Variants in MYO1F observed in about 807,000 individuals in gnomAD.
MYO1F encodes myosin IF, also known as unconventional myosin-If.
Under a neutral mutation model 146.6 loss-of-function variants are expected in MYO1F, and 60 were observed. The observed-to-expected ratio is 0.41, with a 90% confidence interval of 0.33 to 0.51. The LOEUF is 0.51. Ranked by LOEUF, MYO1F falls within the 20% of genes least tolerant of loss-of-function variation. The pLI, the probability that MYO1F is intolerant of heterozygous loss-of-function variation, is 0.25. For missense variants in MYO1F, 1,274 were observed against 1,534.3 expected (o/e 0.83, Z 2.83); for synonymous variants, 602 against 602.1 (o/e 1.00, Z 0.00).
At chr19:8,566,461 C>G (rs2042006873) in intron 1 of MYO1F, among the ~76,000 whole-genome samples, 2 of 151,058 alleles carry the variant, frequency 1.3e-5, no homozygotes, top group Non-Finnish European at 2.9e-5. Context: ...GCCACCGCGC[C>G]CGGCCTGGTC....
At chr19:8,539,664 A>T (rs562108071) in intron 16 of MYO1F, among the ~76,000 whole-genome samples, 1 of 152,298 alleles carries the variant, frequency 6.6e-6, no homozygotes, top group South Asian at 2.1e-4. Flanking sequence ...CCACAAATTT[A>T]AAAAATGGTA....
chr19:8,577,181 C>T lies in MYO1F; in HGVS notation c.3+126G>A. 8.7e-7 allele frequency: 1 copy of T among 1,151,304 alleles called. No homozygotes were observed. The highest frequency in any genetic ancestry group is 2.0e-5 in the Admixed American group (1 of 50,462). The allele number at this position is 1,151,304 out of a possible 1,614,324, so 71.3% of individuals were successfully genotyped here. ...ACCTGAGCTGCACTGAGAGACACCC[C>T]ACCCCCACAGAAGTCCACCATGCCC... On this transcript the variant is annotated intron_variant, in intron 1 of 27. Coordinates refer to ENST00000644032, the MANE Select transcript of MYO1F (RefSeq NM_012335.4). The surrounding 1 kb of genome is among the most constrained non-coding windows in gnomAD (Gnocchi z 4.3).
chr19:8,526,708 T>C, intron 23 of MYO1F, 81 bp downstream of exon 23: 7 of 1,533,674 alleles, frequency 4.6e-6, no homozygotes, highest in Non-Finnish European at 6.1e-6. Context: ...CGAAGCGCAG[T>C]TCGGCCGGGT....
intron 1 of MYO1F, among the ~76,000 whole-genome samples, chr19:8,564,995 A>C (rs1484439966): frequency 6.6e-6 from 1 of 151,264 alleles, no homozygotes; most frequent in African/African-American, 2.4e-5. Context: ...CTCATCTCGA[A>C]CTCCCAACCT....
chr19:8,574,902 C>T (rs541596858), intron 1 of MYO1F, among the ~76,000 whole-genome samples: 5 of 149,990 alleles, frequency 3.3e-5, no homozygotes, highest in Middle Eastern at 3.4e-3. Flanking sequence ...GTTACAGGCG[C>T]GCACCACCAC....
intron 25 of MYO1F, among the ~76,000 whole-genome samples, chr19:8,524,936 C>G (rs188828837): frequency 1.1e-4 from 17 of 152,176 alleles, no homozygotes; most frequent in Middle Eastern, 3.4e-3. Context: ...GTAGCTCATG[C>G]TTGTTAATCC....
At position 8,550,241 on chromosome 19, in the gene MYO1F, G is replaced by A. The variant is rs776265574; in HGVS notation, c.1020C>T (p.Thr340=). 9 of 1,614,194 alleles carry A rather than the reference G, an allele frequency of 5.6e-6. No individual in the cohort carries two copies. Among genetic ancestry groups the A allele is most frequent in the Non-Finnish European group, 7.6e-6 (9 of 1,180,030 alleles). ...WGGRSESINV[T]LNVEQAAYTR... ...TGTAGGCTGCCTGCTCCACGTTGAGGGTCACATTGATGGACTCGCTGCGCC... is the reference window on the plus strand; with the variant it reads ...TGTAGGCTGCCTGCTCCACGTTGAGAGTCACATTGATGGACTCGCTGCGCC... Residue 340 remains threonine (T), a synonymous_variant, in exon 10 of 28, where the codon ACC becomes ACT. Coordinates refer to ENST00000644032, the MANE Select transcript of MYO1F (RefSeq NM_012335.4).
chr19:8,575,269 G>T (rs1297152201), intron 1 of MYO1F, among the ~76,000 whole-genome samples: 1 of 151,266 alleles, frequency 6.6e-6, no homozygotes, highest in African/African-American at 2.4e-5. Context: ...GAGAGACGGG[G>T]TCTCACCACG....
chr19:8,569,536 C>T (rs184750480), intron 1 of MYO1F, among the ~76,000 whole-genome samples: 141 of 152,048 alleles, frequency 9.3e-4, no homozygotes, highest in African/African-American at 2.4e-3. Flanking sequence ...ACTTCCTGGG[C>T]CCCTACTGTG....
intron 17 of MYO1F, 46 bp downstream of exon 17, chr19:8,536,903 G>T: frequency 1.6e-6 from 2 of 1,268,368 alleles, no homozygotes; most frequent in Non-Finnish European, 2.2e-6. Context: ...AGGGGTAACT[G>T]CAGGGCCTGG....
At chr19:8,558,005 T>C (rs74436475) in intron 1 of MYO1F, among the ~76,000 whole-genome samples, 3,280 of 152,138 alleles carry the variant, frequency 0.022, 98 homozygotes, top group South Asian at 0.13. Context: ...TGTGTATGAC[T>C]TTGTTCCTCA....
intron 2 of MYO1F, 139 bp from the exon 3 acceptor site, chr19:8,554,882 C>A: frequency 1.2e-6 from 1 of 854,840 alleles, no homozygotes; most frequent in South Asian, 1.4e-5. Context: ...CACCTCGAGT[C>A]TCTTGGAAAA....
Position 8,554,564 on chromosome 19 carries a change from T to C in MYO1F, c.239A>G (p.Tyr80Cys). The stretch of plus-strand genomic sequence containing the variant: ...GGCGTAGATGTGCGGGGGATTCTCA[T>C]ACTGGGCCTGGCAGGGGAGGTCAGG... ...EIDLYQGAAQ[Y>C]ENPPHIYALT... The change falls in exon 4 of 28, where the codon TAT becomes TGT. Residue 80 changes from tyrosine (Y) to cysteine (C), a missense_variant. Physicochemically the swap from Tyr to Cys is radical, Grantham distance 194. Coordinates refer to ENST00000644032, the MANE Select transcript of MYO1F (RefSeq NM_012335.4). 1.2e-6 allele frequency: 2 copies of C among 1,613,358 alleles called. No individual in the cohort carries two copies. The highest frequency in any genetic ancestry group is 1.7e-6 in the Non-Finnish European group (2 of 1,179,380).
intron 21 of MYO1F, chr19:8,529,726 T>G: frequency 3.4e-6 from 1 of 292,110 alleles, no homozygotes; most frequent in South Asian, 3.2e-5. Flanking sequence ...TCTGGCCAGG[T>G]GAGGGTGTAT....
intron 14 of MYO1F, 27 bp downstream of exon 14, chr19:8,544,270 A>AG (rs1318800257): frequency 6.2e-7 from 1 of 1,607,492 alleles, no homozygotes; most frequent in Non-Finnish European, 8.5e-7. Flanking sequence ...GAGGAGGCAC[A>AG]GGGTAGGGTA....
At chr19:8,547,131 C>G (rs1327188609) in intron 12 of MYO1F, among the ~76,000 whole-genome samples, 1 of 151,666 alleles carries the variant, frequency 6.6e-6, no homozygotes, top group African/African-American at 2.4e-5. Flanking sequence ...AACACCAACT[C>G]TACAAAAAAG....
intron 21 of MYO1F, chr19:8,529,768 T>A: frequency 3.1e-6 from 1 of 320,770 alleles, no homozygotes; most frequent in Non-Finnish European, 6.1e-6. Context: ...CAAGTGCATG[T>A]TTGATGGACA....
intron 19 of MYO1F, among the ~76,000 whole-genome samples, chr19:8,533,675 A>T (rs1371577313): frequency 6.6e-6 from 1 of 151,772 alleles, no homozygotes; most frequent in Non-Finnish European, 1.5e-5. Context: ...CTTCTTTAAA[A>T]CCTTTAGAGA....
intron 1 of MYO1F, among the ~76,000 whole-genome samples, chr19:8,575,321 C>T (rs545071118): frequency 9.2e-5 from 14 of 152,006 alleles, no homozygotes; most frequent in South Asian, 4.2e-4. Context: ...GTGATCTGCC[C>T]GCCTCGGCCT....
Sources: gnomAD v4.1 joint callset for allele counts (sites outside exome capture counted in the v4.1 genomes callset) on GRCh38, gnomAD v4.1.1 for gene constraint, Gnocchi (gnomAD v3.1) non-coding constraint, MANE v1.5 for transcripts, NCBI Gene and HGNC (gene_info 2026-07-23, HGNC 2026-07-21) for gene names.